Variants in RORA observed in about 807,000 individuals in gnomAD.
The protein encoded by RORA is nuclear receptor ROR-alpha.
A neutral mutation model predicts 69.5 loss-of-function variants in RORA; 7 were observed. That is an observed-to-expected ratio of 0.10 (90% CI 0.06 to 0.19). The LOEUF is 0.19. Ranked by LOEUF, RORA falls within the 10% of genes least tolerant of loss-of-function variation. The pLI is 1.00. For missense variants in RORA, 457 were observed against 663.0 expected (o/e 0.69, Z 3.41); for synonymous variants, 261 against 240.8 (o/e 1.08, Z -0.78).
intron 3 of RORA, among the ~76,000 whole-genome samples, chr15:60,519,279 C>T (rs905614384): frequency 1.3e-5 from 2 of 152,036 alleles, no homozygotes; most frequent in Admixed American, 1.3e-4. Context: ...TCATACTAGG[C>T]ACTCTATGCT....
chr15:61,098,951 T>C (rs931624683), intron 1 of RORA, among the ~76,000 whole-genome samples: 1 of 152,224 alleles, frequency 6.6e-6, no homozygotes, highest in African/African-American at 2.4e-5. Flanking sequence ...CGGGCTGTAA[T>C]TCCCTTGCAG....
intron 1 of RORA, among the ~76,000 whole-genome samples, chr15:61,069,063 A>G (rs1355174770): frequency 6.6e-6 from 1 of 152,186 alleles, no homozygotes; most frequent in African/African-American, 2.4e-5. Context: ...CACTGTTTCA[A>G]AGGGATATAC....
At chr15:60,687,934 C>T (rs2070771332) in intron 1 of RORA, among the ~76,000 whole-genome samples, 1 of 152,148 alleles carries the variant, frequency 6.6e-6, no homozygotes, top group African/African-American at 2.4e-5. Flanking sequence ...ATACTCTCTC[C>T]GATCCTCAGT....
intron 1 of RORA, among the ~76,000 whole-genome samples, chr15:61,111,792 G>T (rs1251637593): frequency 2.0e-5 from 3 of 152,156 alleles, no homozygotes; most frequent in Non-Finnish European, 4.4e-5. Context: ...AAAAGGCAAA[G>T]ATAAAAAAAT....
At chr15:61,006,312 C>A (rs955240879) in intron 1 of RORA, among the ~76,000 whole-genome samples, 3 of 151,924 alleles carry the variant, frequency 2.0e-5, no homozygotes, top group Middle Eastern at 3.2e-3. Context: ...TTCATGATTT[C>A]TACAGTGACC....
chr15:61,003,304 T>C (rs1252779509), intron 1 of RORA, among the ~76,000 whole-genome samples: 3 of 152,172 alleles, frequency 2.0e-5, no homozygotes, highest in African/African-American at 7.2e-5. Flanking sequence ...TTAGAAGTCT[T>C]GAAGGACTGA....
intron 2 of RORA, among the ~76,000 whole-genome samples, chr15:60,556,556 A>G (rs377639349): frequency 6.6e-6 from 1 of 152,034 alleles, no homozygotes; most frequent in East Asian, 1.9e-4. Flanking sequence ...TGTCCAGGCT[A>G]TTTTCTTAGT....
intron 1 of RORA, among the ~76,000 whole-genome samples, chr15:60,976,524 C>T (rs774573601): frequency 1.3e-5 from 2 of 152,080 alleles, no homozygotes; most frequent in African/African-American, 2.4e-5. Context: ...CCAGCATCAG[C>T]GGCGACATTT....
At chr15:60,632,147 T>C (rs973545425) in intron 2 of RORA, among the ~76,000 whole-genome samples, 34 of 151,370 alleles carry the variant, frequency 2.2e-4, no homozygotes, top group Admixed American at 7.2e-4. Context: ...CACTCTGTTG[T>C]CCAGGCTGGA....
chr15:60,879,099 T>C (rs2073651132), intron 1 of RORA, among the ~76,000 whole-genome samples: 1 of 152,196 alleles, frequency 6.6e-6, no homozygotes, highest in Non-Finnish European at 1.5e-5. Flanking sequence ...ACTGCCCAAG[T>C]TCCTGTGTCA....
chr15:60,854,074 C>T (rs2073355457), intron 1 of RORA, among the ~76,000 whole-genome samples: 1 of 151,948 alleles, frequency 6.6e-6, no homozygotes, highest in African/African-American at 2.4e-5. Context: ...CCATCCTGAC[C>T]AACATGGTGA....
At chr15:61,000,618 G>A (rs923363381) in intron 1 of RORA, among the ~76,000 whole-genome samples, 3 of 152,188 alleles carry the variant, frequency 2.0e-5, no homozygotes, top group African/African-American at 4.8e-5. Context: ...CTAACCTGAC[G>A]GAAAATAGAC....
chr15:61,048,044 C>T (rs1361040382), intron 1 of RORA, among the ~76,000 whole-genome samples: 1 of 152,150 alleles, frequency 6.6e-6, no homozygotes, highest in Non-Finnish European at 1.5e-5. Flanking sequence ...AAAACACACA[C>T]CTAAAAGAGG....
intron 1 of RORA, among the ~76,000 whole-genome samples, chr15:61,104,993 G>GCTC (rs751911711): frequency 2.8e-5 from 4 of 140,910 alleles, no homozygotes; most frequent in Non-Finnish European, 4.6e-5. Flanking sequence ...TGATCATGAG[G>GCTC]CGCCCCCCCC....
chr15:61,064,052 T>C (rs2078223297), intron 1 of RORA, among the ~76,000 whole-genome samples: 1 of 152,184 alleles, frequency 6.6e-6, no homozygotes, highest in African/African-American at 2.4e-5. Context: ...AGCCACAACA[T>C]TCCAGAGTCA....
intron 1 of RORA, among the ~76,000 whole-genome samples, chr15:60,897,729 T>C (rs1013966531): frequency 1.3e-5 from 2 of 152,200 alleles, no homozygotes; most frequent in Non-Finnish European, 2.9e-5. Context: ...CTCAAAAAGA[T>C]GAAACTTAAA....
At chr15:60,686,958 C>G (rs953538134) in intron 1 of RORA, 5 of 152,234 alleles carry the variant, frequency 3.3e-5, no homozygotes, top group African/African-American at 1.2e-4. Flanking sequence ...CAAGTCAAGG[C>G]AAGTAAAGAC....
At chr15:61,228,120 T>C (rs1438216425) in intron 1 of RORA, among the ~76,000 whole-genome samples, 10 of 147,750 alleles carry the variant, frequency 6.8e-5, no homozygotes, top group Non-Finnish European at 1.5e-4. Context: ...CCAACCAGCA[T>C]ACAACTTGCA....
intron 1 of RORA, among the ~76,000 whole-genome samples, chr15:61,044,574 T>C (rs559708034): frequency 5.9e-5 from 9 of 152,370 alleles, no homozygotes; most frequent in African/African-American, 2.2e-4. Flanking sequence ...TTTGGATATA[T>C]TGAGTTAAAA....
Sources: gnomAD v4.1 joint callset for allele counts (sites outside exome capture counted in the v4.1 genomes callset) on GRCh38, gnomAD v4.1.1 for gene constraint, MANE v1.5 for transcripts, NCBI Gene and HGNC (gene_info 2026-07-23, HGNC 2026-07-21) for gene names.